ABHD6: variants seen among roughly 807,000 people sequenced by gnomAD.
The protein encoded by ABHD6 is monoacylglycerol lipase ABHD6.
A neutral mutation model predicts 38.8 loss-of-function variants in ABHD6; 33 were observed. That is an observed-to-expected ratio of 0.85 (90% confidence interval 0.64 to 1.14). The LOEUF (loss-of-function observed/expected upper bound fraction) is 1.14. ABHD6 is among the 50% of genes most tolerant of loss of function. The pLI is 0.00. For missense variants in ABHD6, 380 were observed against 422.6 expected (o/e 0.90, Z 0.88); for synonymous variants, 147 against 161.6 (o/e 0.91, Z 0.69).
Position 58,286,848 on chromosome 3 carries a change from GTGTGTA to G in ABHD6, c.837+1397_837+1402del, listed in dbSNP as rs561314389. ...TGTGTGTGTGTGTGTGTGTGTGTGT[GTGTGTA>G]TATATATATATATATGTATATGTAT... On this transcript the variant is annotated intron_variant, in intron 9 of 9. Transcript: ENST00000478253. Among the ~76,000 whole-genome samples, 498 of 68,768 alleles carry G rather than the reference GTGTGTA, an allele frequency of 7.2e-3. 2 individuals are homozygous for G. Among genetic ancestry groups the G allele is most frequent in the Middle Eastern group, 0.02 (3 of 148 alleles). The allele number at this position is 68,768 out of a possible 152,430, so 45.1% of individuals were successfully genotyped here.
chr3:58,284,890 A>G (rs2097455812), intron 7 of ABHD6, among the ~76,000 whole-genome samples, 195 bp from the exon 8 acceptor site: 1 of 152,140 alleles, frequency 6.6e-6, no homozygotes, highest in African/African-American at 2.4e-5. Context: ...AATAATAATA[A>G]TAAAAAGCTT....
At chr3:58,286,142 C>T (rs1261055987) in intron 9 of ABHD6, among the ~76,000 whole-genome samples, 1 of 152,156 alleles carries the variant, frequency 6.6e-6, no homozygotes, top group Admixed American at 6.5e-5. Flanking sequence ...GCCTCAGCCT[C>T]TCAAGTAGCT....
chr3:58,284,575 C>T (rs1418915877), intron 7 of ABHD6, among the ~76,000 whole-genome samples: 2 of 151,930 alleles, frequency 1.3e-5, no homozygotes, highest in East Asian at 3.9e-4. Flanking sequence ...CTCAGCCTCC[C>T]GAGTAGATGG....
At chr3:58,292,664 C>A (rs929140012) in intron 9 of ABHD6, among the ~76,000 whole-genome samples, 2 of 152,064 alleles carry the variant, frequency 1.3e-5, no homozygotes, top group Non-Finnish European at 2.9e-5. Context: ...GGCCTGTAAT[C>A]CTAGCACTTT....
intron 1 of ABHD6, among the ~76,000 whole-genome samples, chr3:58,247,583 G>A (rs192686617): frequency 7.2e-5 from 11 of 151,768 alleles, no homozygotes; most frequent in Admixed American, 3.9e-4. Context: ...TTTGTTTTTT[G>A]TTTGTTTGTT....
At chr3:58,278,411 A>G (rs983774808) in intron 7 of ABHD6, among the ~76,000 whole-genome samples, 2 of 152,092 alleles carry the variant, frequency 1.3e-5, no homozygotes, top group African/African-American at 2.4e-5. Flanking sequence ...GTATTCTCTG[A>G]TGGTAGTTTG....
At chr3:58,292,796 A>G (rs2097464178) in intron 9 of ABHD6, among the ~76,000 whole-genome samples, 1 of 152,124 alleles carries the variant, frequency 6.6e-6, no homozygotes, top group Non-Finnish European at 1.5e-5. Flanking sequence ...GGGCACCTAT[A>G]ATCCCAGCTA....
Position 58,269,244 on chromosome 3 carries a change from TG to T in ABHD6, c.277-73del. ...GGATGGCTGTCTGGGTCACTGTACA[TG>T]GGGCAACCTCCCAAGAAAATGGGCA... On this transcript the variant is annotated intron_variant, in intron 4 of 9. Coordinates refer to ENST00000478253, the MANE Select transcript of ABHD6 (RefSeq NM_001320126.2). This position sits in a 1 kb window ranked among gnomAD's most constrained non-coding sequence, Gnocchi z 4.4. 3 of 1,100,616 alleles carry T rather than the reference TG, an allele frequency of 2.7e-6. No homozygotes were observed. The highest frequency in any genetic ancestry group is 2.0e-4 in the Middle Eastern group (1 of 5,036). The allele number at this position is 1,100,616 out of a possible 1,614,324, so 68.2% of individuals were successfully genotyped here.
rs1251388640 is a variant in ABHD6, at chr3:58,267,878, G to A, written c.276+533G>A. 6.6e-6 allele frequency among the ~76,000 whole-genome samples: 1 copy of A among 151,924 alleles called. No homozygotes were observed. Among genetic ancestry groups the A allele is most frequent in the African/African-American group, 2.4e-5 (1 of 41,352 alleles). On this transcript the variant is annotated intron_variant, in intron 4 of 9. Coordinates refer to ENST00000478253, the MANE Select transcript of ABHD6 (RefSeq NM_001320126.2). This position sits in a 1 kb window ranked among gnomAD's most constrained non-coding sequence, Gnocchi z 4.3. ...GCAGATCACTTGAGCCCAGGAGTTT[G>A]AGACCAGCCTGGGCAACATAGGGAG...
intron 9 of ABHD6, among the ~76,000 whole-genome samples, chr3:58,292,940 T>C (rs943247913): frequency 6.6e-6 from 1 of 152,040 alleles, no homozygotes; most frequent in African/African-American, 2.4e-5. Flanking sequence ...TACCCCCAGC[T>C]TGTGATAATT....
At position 58,273,506 on chromosome 3, in the gene ABHD6, A is replaced by G. The variant is rs565986011; in HGVS notation, c.524-1152A>G. ...CCCACCAATGATAAACTGGATAAAG[A>G]AAATGTGGCACATATACACCATGGA... On this transcript the variant is annotated intron_variant, in intron 6 of 9. Coordinates refer to ENST00000478253, the MANE Select transcript of ABHD6 (RefSeq NM_001320126.2). The surrounding 1 kb of genome is among the most constrained non-coding windows in gnomAD (Gnocchi z 4.8). 1.3e-5 allele frequency among the ~76,000 whole-genome samples: 2 copies of G among 152,346 alleles called. No homozygotes were observed. Among genetic ancestry groups the G allele is most frequent in the South Asian group, 4.1e-4 (2 of 4,830 alleles).
intron 9 of ABHD6, among the ~76,000 whole-genome samples, chr3:58,289,321 A>C: frequency 6.6e-6 from 1 of 151,902 alleles, no homozygotes; most frequent in Admixed American, 6.5e-5. Flanking sequence ...AGTGGAGGGA[A>C]GGTCACCAGA....
At position 58,293,516 on chromosome 3, in the gene ABHD6, G is replaced by A; in HGVS notation, c.838-73G>A. 5 of 1,527,492 alleles carry A rather than the reference G, an allele frequency of 3.3e-6. No homozygotes were observed. Among genetic ancestry groups the A allele is most frequent in the South Asian group, 1.2e-5 (1 of 81,624 alleles). The allele number at this position is 1,527,492 out of a possible 1,614,324, so 94.6% of individuals were successfully genotyped here. A position where few individuals can be genotyped will look rare whatever the true frequency, so the allele number is the denominator to read the frequency against. On this transcript the variant is annotated intron_variant, in intron 9 of 9. Transcript: ENST00000478253. This position sits in a 1 kb window ranked among gnomAD's most constrained non-coding sequence, Gnocchi z 4.4. ...TGACCCCTGCCAGGCCTTGGTGGAA[G>A]TTCTGTCCACAGAGTGCACACGTGG...
At position 58,267,592 on chromosome 3, in the gene ABHD6, G is replaced by T. The variant is rs1437831789; in HGVS notation, c.276+247G>T. On this transcript the variant is annotated intron_variant, in intron 4 of 9. Coordinates refer to ENST00000478253, the MANE Select transcript of ABHD6 (RefSeq NM_001320126.2). The surrounding 1 kb of genome is among the most constrained non-coding windows in gnomAD (Gnocchi z 4.3). The stretch of plus-strand genomic sequence containing the variant: ...AGGTGGGAAGATTGCTTGAGCCTGG[G>T]GGGTCAAGTCTTCAGTGAGCAATGA... Among the ~76,000 whole-genome samples, 3 of 152,000 alleles carry T rather than the reference G, an allele frequency of 2.0e-5. No homozygotes were observed. Among genetic ancestry groups the T allele is most frequent in the Non-Finnish European group, 4.4e-5 (3 of 68,002 alleles).
At chr3:58,249,852 T>C (rs904600255) in intron 1 of ABHD6, 26 bp from the exon 2 acceptor site, 3 of 152,232 alleles carry the variant, frequency 2.0e-5, no homozygotes, top group African/African-American at 7.2e-5. Flanking sequence ...GTTAATTCTT[T>C]GTCATTTTAT....
Position 58,267,028 on chromosome 3 carries a change from G to A in ABHD6, c.120-161G>A, listed in dbSNP as rs1431982784. On this transcript the variant is annotated intron_variant, in intron 3 of 9. Transcript: ENST00000478253. This position sits in a 1 kb window ranked among gnomAD's most constrained non-coding sequence, Gnocchi z 4.3. ...TGGTTTGGCTTTGTGTTCCTTGAGG[G>A]TAAAGCTCAGGAGGACTCTAGAGAC... 6.6e-6 allele frequency among the ~76,000 whole-genome samples: 1 copy of A among 152,186 alleles called. No homozygotes were observed. Among genetic ancestry groups the A allele is most frequent in the Admixed American group, 6.5e-5 (1 of 15,268 alleles).
chr3:58,281,396 C>A (rs2097453126), intron 7 of ABHD6, among the ~76,000 whole-genome samples: 2 of 152,208 alleles, frequency 1.3e-5, no homozygotes, highest in Admixed American at 1.3e-4. Flanking sequence ...CTGGGACCCA[C>A]CGAGCCAGGC....
intron 1 of ABHD6, among the ~76,000 whole-genome samples, chr3:58,239,795 T>G (rs745684116): frequency 6.6e-6 from 1 of 151,758 alleles, no homozygotes; most frequent in Non-Finnish European, 1.5e-5. Flanking sequence ...AGGTCTATCC[T>G]GGGGGCGAGA....
chr3:58,283,380 T>G (rs1389089932), intron 7 of ABHD6, among the ~76,000 whole-genome samples: 1 of 152,240 alleles, frequency 6.6e-6, no homozygotes, highest in Non-Finnish European at 1.5e-5. Context: ...AAGGAGCACC[T>G]GCACACTCAG....
Sources: allele counts gnomAD v4.1 joint callset (sites outside exome capture counted in the v4.1 genomes callset), GRCh38; gene constraint gnomAD v4.1.1; non-coding constraint Gnocchi (gnomAD v3.1); transcripts MANE v1.5; gene names NCBI Gene and HGNC (gene_info 2026-07-23, HGNC 2026-07-21).